The following STK40 variants were observed in gnomAD, a reference collection of about 807,000 sequenced individuals.
STK40 encodes the protein serine/threonine kinase 40.
STK40 carries 13 observed loss-of-function variants against 47.9 expected under a neutral mutation model. That is an observed-to-expected ratio of 0.27 (90% CI 0.18 to 0.43). The LOEUF (loss-of-function observed/expected upper bound fraction) is 0.43, where lower values mean the gene tolerates loss of function less well. Ranked by LOEUF, STK40 falls within the 20% of genes least tolerant of loss-of-function variation. The pLI, the probability that STK40 is intolerant of heterozygous loss-of-function variation, is 1.00. For missense variants in STK40, 460 were observed against 595.1 expected, an observed-to-expected ratio of 0.77 and a Z score of 2.36; for synonymous variants, 225 against 243.2, an observed-to-expected ratio of 0.93 and a Z score of 0.69.
At chr1:36,366,846 T>A (rs1646906712) in intron 1 of STK40, among the ~76,000 whole-genome samples, 1 of 151,528 alleles carries the variant, frequency 6.6e-6, no homozygotes, top group South Asian at 2.1e-4. Context: ...CTTTTTTTTT[T>A]TTTTTTGAGA....
chr1:36,352,887 G>T (rs545202708), intron 6 of STK40, among the ~76,000 whole-genome samples: 1 of 152,230 alleles, frequency 6.6e-6, no homozygotes, highest in Admixed American at 6.5e-5. Flanking sequence ...GGTGCTAGTC[G>T]AAGGATGGAG....
rs113317799 is a variant in STK40, at chr1:36,359,156, C to T, written c.113-334G>A. Among the ~76,000 whole-genome samples, 362 of 152,312 alleles carry T rather than the reference C, an allele frequency of 2.4e-3. 1 individual carries two copies. Among genetic ancestry groups the T allele is most frequent in the Non-Finnish European group, 3.2e-3 (218 of 68,024 alleles). Reference sequence around the variant, plus strand: ...GTGTGGTGGCTCACACCTGTAATCCCAACACTTTGGGAGGCTGAGGTGGGA... The same window carrying T: ...GTGTGGTGGCTCACACCTGTAATCCTAACACTTTGGGAGGCTGAGGTGGGA... On this transcript the variant is annotated intron_variant, in intron 2 of 10. Transcript: ENST00000373132.
chr1:36,341,626 T>G lies in STK40; in HGVS notation c.*129A>C. ...CTGACCCCACGTGTGACCTGGGCTG[T>G]CCCTGTCCCTGCCCTGTCCCTATTG... On this transcript the variant is annotated 3_prime_UTR_variant, in exon 11 of 11. Coordinates refer to ENST00000373132, the MANE Select transcript of STK40 (RefSeq NM_001282547.2). The G allele has an allele frequency of 8.7e-7, 1 of 1,146,122 alleles. No homozygotes were observed. Among genetic ancestry groups the G allele is most frequent in the Non-Finnish European group, 1.2e-6 (1 of 809,186 alleles). 71.0% of individuals were successfully genotyped at this position (1,146,122 alleles called of 1,614,324 possible). A position where few individuals can be genotyped will look rare whatever the true frequency, so the allele number is the denominator to read the frequency against.
chr1:36,347,814 G>C (rs760654451), intron 7 of STK40, among the ~76,000 whole-genome samples: 8 of 151,972 alleles, frequency 5.3e-5, no homozygotes. Flanking sequence ...CACCACGCCC[G>C]GCTAATTTCT....
intron 7 of STK40, among the ~76,000 whole-genome samples, chr1:36,346,816 G>A (rs968176184): frequency 5.3e-5 from 8 of 152,228 alleles, no homozygotes; most frequent in Admixed American, 1.3e-4. Context: ...TGCTGCAAGA[G>A]AGGAGTCCCA....
intron 6 of STK40, among the ~76,000 whole-genome samples, chr1:36,353,643 G>T (rs1316196764): frequency 6.6e-6 from 1 of 152,194 alleles, no homozygotes; most frequent in Non-Finnish European, 1.5e-5. Context: ...CTAAGAGAAT[G>T]CCCCTCCCTA....
chr1:36,343,353 C>T lies in STK40; in HGVS notation c.1089+11G>A. The T allele has an allele frequency of 6.2e-7, 1 of 1,610,204 alleles. No homozygotes were observed. The highest frequency in any genetic ancestry group is 8.5e-7 in the Non-Finnish European group (1 of 1,177,886). The stretch of plus-strand genomic sequence containing the variant: ...GGCTGGGTAATGGCCCATCTGCCCT[C>T]CCCAACTCACCTCCTGGGAGCTATC... On this transcript the variant is annotated intron_variant, in intron 10 of 10. Transcript: ENST00000373132.
chr1:36,341,939 AACTCGT>A lies in STK40; in HGVS notation c.1118_1123del (p.Tyr373_Glu374del). ...CAGCTGCTGACGCATGTAGTTCTCA[AACTCGT>A]ACTGGGAGCACTCCTCCGTCACCTT... is the stretch of plus-strand genomic sequence containing the variant. On this transcript the variant is annotated inframe_deletion, in exon 11 of 11. Coordinates refer to ENST00000373132, the MANE Select transcript of STK40 (RefSeq NM_001282547.2). 1 of 1,613,988 alleles carries A rather than the reference AACTCGT, an allele frequency of 6.2e-7. No homozygotes were observed. Among genetic ancestry groups the A allele is most frequent in the Non-Finnish European group, 8.5e-7 (1 of 1,179,924 alleles).
chr1:36,380,648 G>A (rs985191091), intron 1 of STK40, among the ~76,000 whole-genome samples: 3 of 152,220 alleles, frequency 2.0e-5, no homozygotes, highest in African/African-American at 7.2e-5. Context: ...ATGCTGAATC[G>A]GGGTGGATAT....
chr1:36,364,406 C>T (rs1336175923), intron 1 of STK40, among the ~76,000 whole-genome samples: 1 of 152,188 alleles, frequency 6.6e-6, no homozygotes, highest in Non-Finnish European at 1.5e-5. Context: ...TTTCCTTACT[C>T]TTATAAATGG....
chr1:36,377,124 G>C (rs1646998567), intron 1 of STK40, among the ~76,000 whole-genome samples: 1 of 151,944 alleles, frequency 6.6e-6, no homozygotes, highest in Non-Finnish European at 1.5e-5. Flanking sequence ...GCCCAAGGAG[G>C]GGAGGGAGAG....
At chr1:36,343,124 C>T in intron 10 of STK40, 1 of 652,072 alleles carries the variant, frequency 1.5e-6, no homozygotes, top group Non-Finnish European at 2.8e-6. Context: ...GCACTGGCTC[C>T]AGCTCGGCTG....
intron 5 of STK40, among the ~76,000 whole-genome samples, 185 bp downstream of exon 5, chr1:36,355,021 G>C (rs1242583086): frequency 3.3e-5 from 5 of 152,160 alleles, no homozygotes; most frequent in Non-Finnish European, 2.9e-5. Context: ...CCCTCACCAG[G>C]AAGGTGGCCT....
intron 4 of STK40, among the ~76,000 whole-genome samples, chr1:36,357,481 C>A (rs1438732684): frequency 6.6e-6 from 1 of 152,208 alleles, no homozygotes; most frequent in African/African-American, 2.4e-5. Context: ...TTCAGTGCTG[C>A]CCCAAGAATG....
chr1:36,354,049 G>A (rs1646781469), intron 6 of STK40, among the ~76,000 whole-genome samples: 1 of 152,158 alleles, frequency 6.6e-6, no homozygotes, highest in Non-Finnish European at 1.5e-5. Flanking sequence ...ACAGGCGGGA[G>A]CCACCGCACC....
chr1:36,348,636 G>A (rs1646724687), intron 7 of STK40, 64 bp downstream of exon 7: 3 of 1,494,408 alleles, frequency 2.0e-6, no homozygotes, highest in African/African-American at 2.8e-5. Flanking sequence ...AATTTGCTGA[G>A]TGGACTGTCA....
At chr1:36,378,748 T>C (rs1449156553) in intron 1 of STK40, among the ~76,000 whole-genome samples, 1 of 152,130 alleles carries the variant, frequency 6.6e-6, no homozygotes, top group East Asian at 1.9e-4. Context: ...TGAGCCACCG[T>C]GCCAGCCGGG....
intron 6 of STK40, among the ~76,000 whole-genome samples, chr1:36,351,820 C>T (rs531604727): frequency 2.0e-5 from 3 of 152,310 alleles, no homozygotes; most frequent in Admixed American, 1.3e-4. Context: ...GTGTGGTTAG[C>T]AGGCATGAGC....
intron 1 of STK40, among the ~76,000 whole-genome samples, chr1:36,381,457 A>C (rs979778929): frequency 6.6e-6 from 1 of 151,992 alleles, no homozygotes; most frequent in Non-Finnish European, 1.5e-5. Flanking sequence ...ACCCCCAGAA[A>C]ACTCTATTCA....
Sources: allele counts gnomAD v4.1 joint callset (sites outside exome capture counted in the v4.1 genomes callset), GRCh38; gene constraint gnomAD v4.1.1; transcripts MANE v1.5; gene names NCBI Gene and HGNC (gene_info 2026-07-23, HGNC 2026-07-21).